Variants in MEI1 observed in about 807,000 individuals in gnomAD.
The protein encoded by MEI1 is meiosis inhibitor protein 1.
A neutral mutation model predicts 146.2 loss-of-function variants in MEI1; 103 were observed. The observed-to-expected ratio is 0.70, with a 90% CI of 0.60 to 0.83. The LOEUF (loss-of-function observed/expected upper bound fraction) is 0.83, where lower values mean the gene tolerates loss of function less well. Among genes scored for constraint, MEI1 ranks in the 40% least tolerant of loss-of-function variants. MEI1 has a pLI of 0.00. For synonymous variants in MEI1, 652 were observed against 628.2 expected (o/e 1.04, Z -0.57); for missense variants, 1,529 against 1,533.0 (o/e 1.00, Z 0.04).
At chr22:41,787,213 G>T (rs2076022290) in intron 26 of MEI1, among the ~76,000 whole-genome samples, 1 of 152,148 alleles carries the variant, frequency 6.6e-6, no homozygotes. Flanking sequence ...GGAATCAGAT[G>T]AGAACCAAAA....
rs528073941 is a variant in MEI1, at chr22:41,704,204, A to G, written c.298+750A>G. Among the ~76,000 whole-genome samples the G allele has an allele frequency of 2.0e-5, 3 of 152,302 alleles. No homozygotes were observed. The South Asian group carries it at 6.2e-4, about 32-fold the overall frequency. On this transcript the variant is annotated intron_variant, in intron 2 of 30. Coordinates refer to ENST00000401548, the MANE Select transcript of MEI1 (RefSeq NM_152513.4). ...GTGGAATGAGCCCTTTCAGGGAGGA[A>G]GGCAGCTAACTTGTATTTACTGCTT...
chr22:41,779,010 A>T, intron 22 of MEI1, 198 bp downstream of exon 22: 1 of 528,864 alleles, frequency 1.9e-6, no homozygotes, highest in East Asian at 3.3e-5. Flanking sequence ...AATGTTTGGG[A>T]GACACCCTAC....
chr22:41,775,968 CTGAG>C (rs1257297273), intron 20 of MEI1, 130 bp from the exon 21 acceptor site: 3 of 821,648 alleles, frequency 3.7e-6, no homozygotes, highest in Non-Finnish European at 5.7e-6. Context: ...ATAATAGGTG[CTGAG>C]TAAGTGACAG....
intron 18 of MEI1, among the ~76,000 whole-genome samples, chr22:41,759,925 G>A (rs896024721): frequency 1.3e-5 from 2 of 152,168 alleles, no homozygotes; most frequent in Non-Finnish European, 2.9e-5. Context: ...TGTAATCCCA[G>A]CACTTTGGGA....
chr22:41,763,565 TGAGGCTGGG>T (rs2074647501), intron 19 of MEI1, among the ~76,000 whole-genome samples: 1 of 151,868 alleles, frequency 6.6e-6, no homozygotes, highest in African/African-American at 2.4e-5. Flanking sequence ...AAATCGGGAC[TGAGGCTGGG>T]CACGGTGGCT....
chr22:41,752,804 G>C (rs1283486399), intron 16 of MEI1, among the ~76,000 whole-genome samples, 153 bp downstream of exon 16: 1 of 152,192 alleles, frequency 6.6e-6, no homozygotes, highest in Non-Finnish European at 1.5e-5. Flanking sequence ...GCAATAAGCT[G>C]GTCATGCTTC....
chr22:41,700,487 C>A (rs933655180), intron 1 of MEI1, among the ~76,000 whole-genome samples: 1 of 152,192 alleles, frequency 6.6e-6, no homozygotes, highest in Non-Finnish European at 1.5e-5. Flanking sequence ...CCCGCCACCA[C>A]GCTCGGCTAA....
intron 6 of MEI1, among the ~76,000 whole-genome samples, chr22:41,722,641 CTT>C (rs2070969456): frequency 6.6e-6 from 1 of 151,950 alleles, no homozygotes; most frequent in African/African-American, 2.4e-5. Flanking sequence ...ACTCTCCTGC[CTT>C]TATATATTCC....
chr22:41,776,358 G>C, intron 21 of MEI1, 91 bp downstream of exon 21: 1 of 1,396,250 alleles, frequency 7.2e-7, no homozygotes, highest in Non-Finnish European at 9.8e-7. Flanking sequence ...CCAGGAGAGA[G>C]AATCAGGGTT....
chr22:41,757,144 G>T (rs183091763), intron 17 of MEI1, among the ~76,000 whole-genome samples: 1 of 152,314 alleles, frequency 6.6e-6, no homozygotes, highest in Admixed American at 6.5e-5. Flanking sequence ...GCCCATGCTG[G>T]AGTGCAGTGA....
intron 11 of MEI1, among the ~76,000 whole-genome samples, chr22:41,733,134 T>C (rs909385146): frequency 2.6e-5 from 4 of 152,124 alleles, no homozygotes; most frequent in Non-Finnish European, 5.9e-5. Flanking sequence ...ACAGACTTTT[T>C]TTCTTGTTAT....
At chr22:41,750,745 C>G (rs141096853) in intron 15 of MEI1, among the ~76,000 whole-genome samples, 1 of 152,274 alleles carries the variant, frequency 6.6e-6, no homozygotes, top group East Asian at 1.9e-4. Flanking sequence ...TGAGATTGTA[C>G]AAATTAATTT....
intron 26 of MEI1, among the ~76,000 whole-genome samples, chr22:41,792,944 C>T (rs997941531): frequency 2.0e-5 from 3 of 148,644 alleles, no homozygotes; most frequent in African/African-American, 7.4e-5. Flanking sequence ...GGTTGAAACC[C>T]ACTGGCTTAA....
Position 41,730,687 on chromosome 22 carries a change from T to C in MEI1, c.1096+50T>C, listed in dbSNP as rs577862497. The stretch of plus-strand genomic sequence containing the variant: ...GCTTTGGGTTGGGTGGACGGCAGTT[T>C]GCACTTGGGTAGCAGCCGCAGTGAT... On this transcript the variant is annotated intron_variant, in intron 9 of 30. Coordinates refer to ENST00000401548, the MANE Select transcript of MEI1 (RefSeq NM_152513.4). 64 of 1,238,752 alleles carry C rather than the reference T, an allele frequency of 5.2e-5. 4 individuals are homozygous for C. In the South Asian group the frequency reaches 7.2e-4, roughly 14 times the overall value. 76.7% of individuals were successfully genotyped at this position (1,238,752 alleles called of 1,614,324 possible).
Position 41,699,532 on chromosome 22 carries a change from C to T in MEI1, c.-7C>T, listed in dbSNP as rs758864729. On this transcript the variant is annotated 5_prime_UTR_variant, in exon 1 of 31. Coordinates refer to ENST00000401548, the MANE Select transcript of MEI1 (RefSeq NM_152513.4). ...GAGTGCCGCCTCAGCTGAGGGCAAG[C>T]GAGGAGATGGCTGTGAGGCAGGCGG... 9 of 1,604,544 alleles carry T rather than the reference C, an allele frequency of 5.6e-6. No homozygotes were observed. The East Asian group carries it at 6.7e-5, about 12-fold the overall frequency.
At chr22:41,785,912 T>TTC (rs1283720741) in intron 26 of MEI1, among the ~76,000 whole-genome samples, 1 of 124,936 alleles carries the variant, frequency 8.0e-6, no homozygotes, top group Admixed American at 9.3e-5. Flanking sequence ...TATTTTTTAT[T>TTC]TTATTTTTTT....
At chr22:41,794,840 C>T (rs1378256835) in intron 28 of MEI1, among the ~76,000 whole-genome samples, 8 of 152,134 alleles carry the variant, frequency 5.3e-5, no homozygotes, top group Admixed American at 2.6e-4. Context: ...TATGATGCTA[C>T]AAGTGGTAGA....
chr22:41,703,324 C>T lies in MEI1; in HGVS notation c.175-7C>T, dbSNP rs2068851210. 1 of 1,611,566 alleles carries T rather than the reference C, an allele frequency of 6.2e-7. No homozygotes were observed. Among genetic ancestry groups the T allele is most frequent in the South Asian group, 1.1e-5 (1 of 90,512 alleles). ...GCTATTGAATGTTTTTCTTCATTTGCTTCAAGTTAGTGCGCAAGAAGCACA... is the reference window on the plus strand; with the variant it reads ...GCTATTGAATGTTTTTCTTCATTTGTTTCAAGTTAGTGCGCAAGAAGCACA... On this transcript the variant is annotated splice_region_variant and splice_polypyrimidine_tract_variant and intron_variant, in intron 1 of 30. Coordinates refer to ENST00000401548, the MANE Select transcript of MEI1 (RefSeq NM_152513.4).
At chr22:41,726,764 A>G (rs953005303) in intron 7 of MEI1, among the ~76,000 whole-genome samples, 3 of 151,826 alleles carry the variant, frequency 2.0e-5, no homozygotes, top group African/African-American at 4.8e-5. Context: ...AGAGAACAAG[A>G]TAAAGATTAA....
Sources: gnomAD v4.1 joint callset for allele counts (sites outside exome capture counted in the v4.1 genomes callset) on GRCh38, gnomAD v4.1.1 for gene constraint, MANE v1.5 for transcripts, NCBI Gene and HGNC (gene_info 2026-07-23, HGNC 2026-07-21) for gene names.